The following HYAL4 variants were observed in gnomAD, a reference collection of about 807,000 sequenced individuals.
HYAL4 encodes hyaluronidase 4.
Under a neutral mutation model 35.2 loss-of-function variants are expected in HYAL4, and 37 were observed. That is an observed-to-expected ratio of 1.05 (90% CI 0.81 to 1.38). The LOEUF is 1.38. Among genes scored for constraint, HYAL4 ranks in the 40% most tolerant of loss-of-function variants. The probability of loss-of-function intolerance (pLI) is 0.00; values close to 1 mark genes in which losing one functional copy is unlikely to be tolerated. For synonymous variants in HYAL4, 198 were observed against 203.2 expected, an observed-to-expected ratio of 0.97 and a Z score of 0.22; for missense variants, 572 against 572.4, an observed-to-expected ratio of 1.00 and a Z score of 0.01.
the HYAL4 span, among the ~76,000 whole-genome samples, chr7:123,767,541 A>G: frequency 6.6e-6 from 1 of 152,212 alleles, no homozygotes; most frequent in African/African-American, 2.4e-5. Context: ...CAACAAGCTT[A>G]GCAATAATTT....
At chr7:123,817,702 G>A in the HYAL4 span, among the ~76,000 whole-genome samples, 2 of 151,306 alleles carry the variant, frequency 1.3e-5, no homozygotes, top group East Asian at 3.9e-4. Flanking sequence ...TAGAGACAGG[G>A]TTTCACCATT....
At chr7:123,773,578 G>A in the HYAL4 span, among the ~76,000 whole-genome samples, 1 of 152,106 alleles carries the variant, frequency 6.6e-6, no homozygotes, top group East Asian at 1.9e-4. Flanking sequence ...TTTACATAAT[G>A]TATATTTTTT....
the HYAL4 span, among the ~76,000 whole-genome samples, chr7:123,807,301 C>A: frequency 2.0e-5 from 3 of 151,844 alleles, no homozygotes; most frequent in Non-Finnish European, 2.9e-5. Context: ...CTACTATTAT[C>A]TCTTTGAGAA....
At chr7:123,824,114 T>C (rs2116899437), upstream of HYAL4, among the ~76,000 whole-genome samples, 1 of 152,352 alleles carries the variant, frequency 6.6e-6, no homozygotes, top group East Asian at 1.9e-4. Context: ...TCACTTTTTG[T>C]CACCTACTAG....
At chr7:123,870,800 A>G (rs1806860733) in intron 3 of HYAL4, among the ~76,000 whole-genome samples, 1 of 152,080 alleles carries the variant, frequency 6.6e-6, no homozygotes, top group East Asian at 1.9e-4. Flanking sequence ...AAATCTTTAT[A>G]AAATAATCTT....
chr7:123,847,297 A>G (rs982703640), intron 1 of HYAL4, among the ~76,000 whole-genome samples: 3 of 152,146 alleles, frequency 2.0e-5, no homozygotes, highest in Non-Finnish European at 2.9e-5. Context: ...TTTCAGCTTT[A>G]TAGTGTATTT....
chr7:123,763,905 A>G, the HYAL4 span, among the ~76,000 whole-genome samples: 3 of 152,114 alleles, frequency 2.0e-5, no homozygotes, highest in Non-Finnish European at 4.4e-5. Context: ...CTTTTCTCAC[A>G]CTTTATTCCC....
upstream of HYAL4, among the ~76,000 whole-genome samples, chr7:123,844,602 T>C (rs1190688684): frequency 6.6e-6 from 1 of 152,206 alleles, no homozygotes; most frequent in Non-Finnish European, 1.5e-5. Flanking sequence ...GCAGAAGTTG[T>C]CTGCTGCCTT....
the HYAL4 span, among the ~76,000 whole-genome samples, chr7:123,772,724 G>A: frequency 6.6e-6 from 1 of 152,198 alleles, no homozygotes; most frequent in Non-Finnish European, 1.5e-5. Flanking sequence ...GGAAAGTGAA[G>A]CATCTTCGAA....
rs117062810 is a variant in HYAL4, at chr7:123,850,229, T to C, written c.-52+2071T>C. Among the ~76,000 whole-genome samples the C allele has an allele frequency of 1.7e-3, 252 of 152,280 alleles. 1 individual carries two copies. Among genetic ancestry groups the C allele is most frequent in the Middle Eastern group, 0.01 (3 of 294 alleles). ...ATGGAAAGAAGAGCTCTTGTTGAAA[T>C]ATGAATACTTAGATTTTTGTTGCTG... On this transcript the variant is annotated intron_variant, in intron 2 of 4. Transcript: ENST00000223026.
chr7:123,784,883 C>A, the HYAL4 span, among the ~76,000 whole-genome samples: 1 of 152,038 alleles, frequency 6.6e-6, no homozygotes, highest in African/African-American at 2.4e-5. Flanking sequence ...TAGAGTAAGT[C>A]AGGTATCAAG....
chr7:123,800,301 C>T, the HYAL4 span, among the ~76,000 whole-genome samples: 1 of 150,520 alleles, frequency 6.6e-6, no homozygotes. Context: ...TCCTGAGTAG[C>T]TGGGACTACG....
At chr7:123,808,418 C>CGTGTGTGTGTGT in the HYAL4 span, among the ~76,000 whole-genome samples, 35 of 142,698 alleles carry the variant, frequency 2.5e-4, no homozygotes, top group African/African-American at 7.0e-4. Flanking sequence ...TGTATCATCA[C>CGTGTGTGTGTGT]GTGTGTGTGT....
chr7:123,859,627 C>T (rs1806535971), intron 2 of HYAL4, among the ~76,000 whole-genome samples: 1 of 152,086 alleles, frequency 6.6e-6, no homozygotes, highest in African/African-American at 2.4e-5. Context: ...GATGAGCATA[C>T]AATTTCTCAA....
intron 1 of HYAL4, among the ~76,000 whole-genome samples, chr7:123,838,446 T>C (rs1806002660): frequency 1.3e-5 from 2 of 152,022 alleles, no homozygotes; most frequent in Admixed American, 1.3e-4. Context: ...ACAAATAATA[T>C]CAACATTACA....
At chr7:123,803,452 C>G in the HYAL4 span, among the ~76,000 whole-genome samples, 1 of 152,116 alleles carries the variant, frequency 6.6e-6, no homozygotes. Flanking sequence ...GCAAAGTTGC[C>G]TTTTCTTGGT....
chr7:123,817,144 G>A, the HYAL4 span, among the ~76,000 whole-genome samples: 3 of 152,142 alleles, frequency 2.0e-5, no homozygotes, highest in African/African-American at 7.2e-5. Flanking sequence ...AGAAAAGAAT[G>A]CAGATTGCAC....
At chr7:123,848,366 A>G (rs1375644324) in intron 2 of HYAL4, among the ~76,000 whole-genome samples, 1 of 152,236 alleles carries the variant, frequency 6.6e-6, no homozygotes, top group Non-Finnish European at 1.5e-5. Flanking sequence ...TGTCACTGAT[A>G]GTTACGAGCT....
At position 123,868,598 on chromosome 7, in the gene HYAL4, A is replaced by T; in HGVS notation, c.325A>T (p.Asn109Tyr). The T allele has an allele frequency of 6.2e-7, 1 of 1,614,198 alleles. No individual in the cohort carries two copies. Among genetic ancestry groups the T allele is most frequent in the Non-Finnish European group, 8.5e-7 (1 of 1,180,018 alleles). Residue 109 changes from asparagine (N) to tyrosine (Y), a missense_variant, in exon 3 of 5, where the codon AAT (asparagine) becomes TAT (tyrosine). Physicochemically the swap from Asn to Tyr is moderately radical, Grantham distance 143. Coordinates refer to ENST00000223026, the MANE Select transcript of HYAL4 (RefSeq NM_012269.3). ...GTATACATCACAAGGGGTCCCCATT[A>T]ATGGAGGTCTCCCACAGAACATAAG... ...PWYTSQGVPI[N>Y]GGLPQNISLQ...
Sources: gnomAD v4.1 joint callset for allele counts (sites outside exome capture counted in the v4.1 genomes callset) on GRCh38, gnomAD v4.1.1 for gene constraint, MANE v1.5 for transcripts, NCBI Gene and HGNC (gene_info 2026-07-23, HGNC 2026-07-21) for gene names.